EFL1: variants seen among roughly 807,000 people sequenced by gnomAD.
The protein encoded by EFL1 is elongation factor like GTPase 1, also known as elongation factor-like GTPase 1.
EFL1 carries 76 observed loss-of-function variants against 126.7 expected under a neutral mutation model. The observed-to-expected ratio is 0.60, with a 90% CI of 0.50 to 0.73. The LOEUF (loss-of-function observed/expected upper bound fraction) is 0.73, where lower values mean the gene tolerates loss of function less well. EFL1 is among the 30% of genes least tolerant of loss of function. The probability of loss-of-function intolerance (pLI) is 0.00; values close to 1 mark genes in which losing one functional copy is unlikely to be tolerated. For missense variants in EFL1, 1,128 were observed against 1,343.2 expected (o/e 0.84, Z 2.50); for synonymous variants, 410 against 448.4 (o/e 0.91, Z 1.08).
chr15:82,216,338 G>A (rs1158371589), intron 14 of EFL1, among the ~76,000 whole-genome samples: 4 of 152,074 alleles, frequency 2.6e-5, no homozygotes, highest in South Asian at 2.1e-4. Flanking sequence ...AATTCCAATC[G>A]AAGCCTCAAC....
intron 4 of EFL1, among the ~76,000 whole-genome samples, chr15:82,252,241 C>T (rs957736197): frequency 1.1e-4 from 16 of 152,180 alleles, no homozygotes; most frequent in Admixed American, 4.6e-4. Flanking sequence ...ATCTCATATA[C>T]TTACATGACT....
chr15:82,151,431 G>T, intron 18 of EFL1, 34 bp downstream of exon 18: 1 of 1,548,348 alleles, frequency 6.5e-7, no homozygotes, highest in Non-Finnish European at 8.7e-7. Context: ...GTTATTCAGG[G>T]CATTTCTCAC....
intron 17 of EFL1, among the ~76,000 whole-genome samples, chr15:82,154,329 A>G (rs1167546467): frequency 6.6e-6 from 1 of 152,186 alleles, no homozygotes; most frequent in Non-Finnish European, 1.5e-5. Flanking sequence ...GAATTCTGAC[A>G]GTTTCTCTGG....
chr15:82,152,454 G>A (rs1254945483), intron 17 of EFL1, 31 bp from the exon 18 acceptor site: 12 of 1,546,792 alleles, frequency 7.8e-6, no homozygotes, highest in Non-Finnish European at 1.0e-5. Context: ...AATAACAGAA[G>A]GTTAAAATCA....
intron 15 of EFL1, among the ~76,000 whole-genome samples, chr15:82,183,580 A>G (rs991816950): frequency 2.6e-5 from 4 of 152,138 alleles, no homozygotes; most frequent in Non-Finnish European, 5.9e-5. Flanking sequence ...AACTTGCACC[A>G]CCCTCCCTAA....
rs910088925 is a variant in EFL1, at chr15:82,174,636, T to C, written c.1751-10652A>G. On this transcript the variant is annotated intron_variant, in intron 15 of 19. Transcript: ENST00000268206. ...CCACAGAGGGAGTCTTGGATTCCTATCTGATAGGGAACTGGAATGTTTCTT... is the reference window on the plus strand; with the variant it reads ...CCACAGAGGGAGTCTTGGATTCCTACCTGATAGGGAACTGGAATGTTTCTT... 2.6e-5 allele frequency among the ~76,000 whole-genome samples: 4 copies of C among 152,188 alleles called. No homozygotes were observed. The South Asian group carries it at 6.2e-4, about 24-fold the overall frequency.
chr15:82,180,630 A>G (rs1050776959), intron 15 of EFL1, among the ~76,000 whole-genome samples: 4 of 152,228 alleles, frequency 2.6e-5, no homozygotes, highest in African/African-American at 9.6e-5. Context: ...TATAAAAAGT[A>G]AAGTAGAATA....
At chr15:82,177,209 T>C (rs2074203933) in intron 15 of EFL1, among the ~76,000 whole-genome samples, 1 of 152,248 alleles carries the variant, frequency 6.6e-6, no homozygotes, top group South Asian at 2.1e-4. Flanking sequence ...TACTTTTCTA[T>C]GTGCATCTTA....
At chr15:82,245,451 C>T (rs569166922) in intron 4 of EFL1, among the ~76,000 whole-genome samples, 1 of 152,162 alleles carries the variant, frequency 6.6e-6, no homozygotes, top group African/African-American at 2.4e-5. Flanking sequence ...CCTTTTATAT[C>T]TTAAATCACT....
At chr15:82,224,866 G>C (rs533921069) in intron 12 of EFL1, among the ~76,000 whole-genome samples, 2 of 152,316 alleles carry the variant, frequency 1.3e-5, no homozygotes, top group South Asian at 4.1e-4. Context: ...ACTTAGATTA[G>C]AACTTGCCTG....
chr15:82,230,175 A>G (rs969000022), intron 8 of EFL1, among the ~76,000 whole-genome samples: 2 of 152,232 alleles, frequency 1.3e-5, no homozygotes, highest in African/African-American at 4.8e-5. Context: ...AAAAAGGATG[A>G]AAGAAATTAT....
chr15:82,191,186 C>T (rs1289878509), intron 15 of EFL1, among the ~76,000 whole-genome samples: 5 of 152,104 alleles, frequency 3.3e-5, no homozygotes, highest in African/African-American at 7.2e-5. Flanking sequence ...ATTCACATTG[C>T]AGTAAGTTAC....
intron 2 of EFL1, among the ~76,000 whole-genome samples, chr15:82,260,364 A>C (rs2075102642): frequency 6.6e-6 from 1 of 152,180 alleles, no homozygotes; most frequent in African/African-American, 2.4e-5. Flanking sequence ...CTTCACTTGT[A>C]AGTGATCCAC....
chr15:82,147,071 GAGGGGTGACTCAAC>G (rs916981567), intron 18 of EFL1, among the ~76,000 whole-genome samples: 2 of 152,104 alleles, frequency 1.3e-5, no homozygotes, highest in Admixed American at 6.5e-5. Context: ...AATGAACACA[GAGGGGTGACTCAAC>G]AGGGGTGACT....
chr15:82,174,702 C>T (rs1272707961), intron 15 of EFL1, among the ~76,000 whole-genome samples: 4 of 152,156 alleles, frequency 2.6e-5, no homozygotes, highest in Non-Finnish European at 5.9e-5. Flanking sequence ...TCTTAGCCTT[C>T]AGTTTAAGAA....
Position 82,138,850 on chromosome 15 carries a change from A to G in EFL1, c.2990-8T>C. On this transcript the variant is annotated splice_polypyrimidine_tract_variant and splice_region_variant and intron_variant, in intron 18 of 19. Coordinates refer to ENST00000268206, the MANE Select transcript of EFL1 (RefSeq NM_024580.6). ...AGACAGCATAGACTCGACCTGTAAA[A>G]CCATAAATCTTTTAAAATCATGGAT... 1 of 1,608,974 alleles carries G rather than the reference A, an allele frequency of 6.2e-7. No homozygotes were observed. Among genetic ancestry groups the G allele is most frequent in the Non-Finnish European group, 8.5e-7 (1 of 1,177,008 alleles).
At chr15:82,214,138 C>T (rs1442400683) in intron 15 of EFL1, among the ~76,000 whole-genome samples, 1 of 152,118 alleles carries the variant, frequency 6.6e-6, no homozygotes, top group Non-Finnish European at 1.5e-5. Context: ...ACTCTGGATG[C>T]AAGAGAAATT....
intron 15 of EFL1, among the ~76,000 whole-genome samples, chr15:82,209,029 A>G (rs1169696484): frequency 6.6e-6 from 1 of 152,214 alleles, no homozygotes; most frequent in Non-Finnish European, 1.5e-5. Context: ...CTGTAAAAGA[A>G]AAGCCATTAA....
At chr15:82,230,417 G>A (rs1237925718) in intron 8 of EFL1, among the ~76,000 whole-genome samples, 2 of 143,014 alleles carry the variant, frequency 1.4e-5, no homozygotes, top group Non-Finnish European at 3.1e-5. Flanking sequence ...CACCTCTCCC[G>A]ATCTACACTG....
Sources: allele counts gnomAD v4.1 joint callset (sites outside exome capture counted in the v4.1 genomes callset), GRCh38; gene constraint gnomAD v4.1.1; transcripts MANE v1.5; gene names NCBI Gene and HGNC (gene_info 2026-07-23, HGNC 2026-07-21).